RAD51B: variants seen among roughly 807,000 people sequenced by gnomAD.
The protein encoded by RAD51B is DNA repair protein RAD51 homolog 2.
Under a neutral mutation model 42.2 loss-of-function variants are expected in RAD51B, and 38 were observed. That is an observed-to-expected ratio of 0.90 (90% CI 0.70 to 1.18). RAD51B has a LOEUF of 1.18. Among genes scored for constraint, RAD51B ranks in the 50% most tolerant of loss-of-function variants. RAD51B has a pLI of 0.00. For missense variants in RAD51B, 373 were observed against 400.7 expected (o/e 0.93, Z 0.59); for synonymous variants, 154 against 145.2 (o/e 1.06, Z -0.43).
At chr14:68,321,343 C>T (rs2082153967) in intron 8 of RAD51B, among the ~76,000 whole-genome samples, 1 of 152,206 alleles carries the variant, frequency 6.6e-6, no homozygotes, top group South Asian at 2.1e-4. Flanking sequence ...TTTTCTAACC[C>T]ACCTTCCCAC....
chr14:68,045,494 A>G (rs2076286727), intron 7 of RAD51B, among the ~76,000 whole-genome samples: 1 of 152,074 alleles, frequency 6.6e-6, no homozygotes, highest in Non-Finnish European at 1.5e-5. Context: ...ATAATCCAGG[A>G]CTGGTGAATA....
At chr14:68,600,850 A>G (rs557742355), downstream of RAD51B, among the ~76,000 whole-genome samples, 1 of 152,280 alleles carries the variant, frequency 6.6e-6, no homozygotes, top group East Asian at 1.9e-4. Context: ...GCTGTCCTGG[A>G]TATTCTTTGT....
chr14:67,906,363 T>C (rs899370113), intron 7 of RAD51B, among the ~76,000 whole-genome samples: 34 of 152,098 alleles, frequency 2.2e-4, no homozygotes, highest in Admixed American at 2.0e-3. Context: ...TCTTTTTTCA[T>C]TGTGTCTCTG....
At chr14:68,103,941 A>AT (rs1031038469) in intron 7 of RAD51B, among the ~76,000 whole-genome samples, 12 of 152,154 alleles carry the variant, frequency 7.9e-5, no homozygotes, top group Non-Finnish European at 1.6e-4. Context: ...ATTTTTCAGT[A>AT]TTAGGGTTGT....
chr14:68,545,670 C>G (rs929734778), intron 10 of RAD51B: 1 of 454,330 alleles, frequency 2.2e-6, no homozygotes, highest in Non-Finnish European at 4.4e-6. Flanking sequence ...ATCCATCATT[C>G]GCTTGTCCAC....
intron 10 of RAD51B, chr14:68,562,597 G>A: frequency 1.0e-6 from 1 of 985,392 alleles, no homozygotes; most frequent in Admixed American, 6.1e-5. Flanking sequence ...GAGTAATGAG[G>A]CAGCAATATT....
At chr14:68,035,933 G>A (rs557387791) in intron 7 of RAD51B, among the ~76,000 whole-genome samples, 1 of 152,190 alleles carries the variant, frequency 6.6e-6, no homozygotes, top group East Asian at 1.9e-4. Flanking sequence ...TGTTAAAGAA[G>A]TGGAAATTTG....
intron 10 of RAD51B, among the ~76,000 whole-genome samples, chr14:68,569,198 TC>T (rs1889570938): frequency 6.6e-6 from 1 of 152,200 alleles, no homozygotes; most frequent in Non-Finnish European, 1.5e-5. Context: ...AGCTAAGATC[TC>T]CCCGGAGGAA....
intron 7 of RAD51B, among the ~76,000 whole-genome samples, chr14:68,228,863 G>C (rs1307387099): frequency 1.3e-5 from 2 of 152,144 alleles, no homozygotes; most frequent in African/African-American, 4.8e-5. Flanking sequence ...TGATTGCTAA[G>C]GTTCCTTCCA....
intron 7 of RAD51B, among the ~76,000 whole-genome samples, chr14:68,242,076 C>G: frequency 6.6e-6 from 1 of 152,200 alleles, no homozygotes. Context: ...CTATCTGAGC[C>G]CCTTCCAGGC....
intron 7 of RAD51B, among the ~76,000 whole-genome samples, chr14:68,121,605 A>C (rs1035439853): frequency 2.4e-4 from 37 of 152,276 alleles, no homozygotes; most frequent in African/African-American, 8.7e-4. Flanking sequence ...TATTCCTACT[A>C]TCATTTAGTA....
chr14:68,043,962 C>T (rs368546570), intron 7 of RAD51B, among the ~76,000 whole-genome samples: 1 of 152,116 alleles, frequency 6.6e-6, no homozygotes, highest in Non-Finnish European at 1.5e-5. Context: ...GAGTACCAAA[C>T]CATAAACTTT....
chr14:68,682,655 A>G (rs72729582), intron 11 of RAD51B, among the ~76,000 whole-genome samples: 12,621 of 152,170 alleles, frequency 0.083, 592 homozygotes, highest in Admixed American at 0.12. Context: ...GTTAAGCACC[A>G]TAAATATGGT....
intron 5 of RAD51B, among the ~76,000 whole-genome samples, chr14:67,878,803 G>T (rs1036290911): frequency 6.6e-6 from 1 of 152,078 alleles, no homozygotes; most frequent in East Asian, 1.9e-4. Flanking sequence ...GGGTTCAAGC[G>T]ATTCTCCTTA....
At chr14:68,201,339 G>A (rs1371939141) in intron 7 of RAD51B, among the ~76,000 whole-genome samples, 2 of 152,208 alleles carry the variant, frequency 1.3e-5, no homozygotes, top group African/African-American at 4.8e-5. Context: ...GAAAAGAACA[G>A]TTTTGAATCT....
intron 10 of RAD51B, among the ~76,000 whole-genome samples, chr14:68,476,602 A>G (rs1472481852): frequency 1.3e-5 from 2 of 152,230 alleles, no homozygotes; most frequent in Admixed American, 1.3e-4. Flanking sequence ...CAAGGATAAC[A>G]GACAGCTTAA....
intron 11 of RAD51B, among the ~76,000 whole-genome samples, chr14:68,668,313 A>G (rs1893075194): frequency 6.6e-6 from 1 of 152,112 alleles, no homozygotes. Flanking sequence ...GCCTCATGAG[A>G]GTTTTGTCTG....
At chr14:68,089,746 G>A (rs2077058233) in intron 7 of RAD51B, among the ~76,000 whole-genome samples, 2 of 152,140 alleles carry the variant, frequency 1.3e-5, no homozygotes, top group Non-Finnish European at 2.9e-5. Context: ...TTATGTGTGT[G>A]TGAAAACGCA....
chr14:67,932,352 T>TG (rs2044770388), intron 7 of RAD51B, among the ~76,000 whole-genome samples: 2 of 152,290 alleles, frequency 1.3e-5, no homozygotes, highest in East Asian at 3.9e-4. Flanking sequence ...ATTTCCTCCA[T>TG]GGTTTATGGT....
Sources: gnomAD v4.1 joint callset for allele counts (sites outside exome capture counted in the v4.1 genomes callset) on GRCh38, gnomAD v4.1.1 for gene constraint, MANE v1.5 for transcripts, NCBI Gene and HGNC (gene_info 2026-07-23, HGNC 2026-07-21) for gene names.